Variants in CPLX2 observed in about 807,000 individuals in gnomAD.
CPLX2 encodes the protein complexin-2.
Under a neutral mutation model 16.3 loss-of-function variants are expected in CPLX2, and 5 were observed. The ratio of observed to expected loss-of-function variants is 0.31; its 90% CI spans 0.16 to 0.64. The LOEUF (loss-of-function observed/expected upper bound fraction) is 0.64, where lower values mean the gene tolerates loss of function less well. Among genes scored for constraint, CPLX2 ranks in the 30% least tolerant of loss-of-function variants. The probability of loss-of-function intolerance (pLI) is 0.79; values close to 1 mark genes in which losing one functional copy is unlikely to be tolerated. For synonymous variants in CPLX2, 89 were observed against 73.2 expected, an observed-to-expected ratio of 1.22 and a Z score of -1.10; for missense variants, 144 against 181.4, an observed-to-expected ratio of 0.79 and a Z score of 1.18.
intron 2 of CPLX2, among the ~76,000 whole-genome samples, chr5:175,839,330 G>A (rs1423378254): frequency 6.6e-6 from 1 of 152,052 alleles, no homozygotes; most frequent in Non-Finnish European, 1.5e-5. Flanking sequence ...CTGTCACCCA[G>A]GCTAGAGTAC....
chr5:175,841,487 G>T (rs1028772778), intron 2 of CPLX2, among the ~76,000 whole-genome samples: 1 of 152,166 alleles, frequency 6.6e-6, no homozygotes, highest in Non-Finnish European at 1.5e-5. Flanking sequence ...ACCAGAGCAG[G>T]GAACGTGGGG....
rs1759020936 is a variant in CPLX2, at chr5:175,845,272, A to G, written c.-88-33380A>G. On this transcript the variant is annotated intron_variant, in intron 2 of 4. Transcript: ENST00000359546. The surrounding 1 kb of genome is among the most constrained non-coding windows in gnomAD (Gnocchi z 4.0). ...ACTTACAACCCTACAAGGATCCACT[A>G]TTCTTGGACTAAAACCCACAGCCCA... 6.6e-6 allele frequency among the ~76,000 whole-genome samples: 1 copy of G among 152,184 alleles called. No individual in the cohort carries two copies. The highest frequency in any genetic ancestry group is 1.5e-5 in the Non-Finnish European group (1 of 68,026).
intron 2 of CPLX2, among the ~76,000 whole-genome samples, chr5:175,839,267 G>T (rs200873406): frequency 8.9e-4 from 126 of 141,540 alleles, no homozygotes; most frequent in Admixed American, 1.5e-3. Flanking sequence ...ATGAATTTTT[G>T]TTTTTTTGTT....
rs563277683 is a variant in CPLX2 at position 175,808,835 on chromosome 5, G to A, written c.-168-154G>A. 1.1e-4 allele frequency among the ~76,000 whole-genome samples: 16 copies of A among 152,230 alleles called. No individual in the cohort carries two copies. The South Asian group carries it at 1.7e-3, about 16-fold the overall frequency. ...CTGATGCCAGGCAGGGTCCCATCCC[G>A]CCCAGCCCTTTGCTGGAATCAAGAG... On this transcript the variant is annotated intron_variant, in intron 1 of 4. Transcript: ENST00000359546.
At chr5:175,856,497 G>A (rs186546751) in intron 2 of CPLX2, among the ~76,000 whole-genome samples, 5 of 152,292 alleles carry the variant, frequency 3.3e-5, no homozygotes, top group Admixed American at 2.0e-4. Flanking sequence ...CACGCTCCGC[G>A]CAGAGCCAAG....
intron 2 of CPLX2, among the ~76,000 whole-genome samples, chr5:175,859,897 C>T (rs772305770): frequency 2.0e-5 from 3 of 152,228 alleles, no homozygotes; most frequent in Non-Finnish European, 4.4e-5. Context: ...GGAGGGGACA[C>T]ACAGCTCCAA....
chr5:175,824,241 T>A (rs1336876016), intron 2 of CPLX2, among the ~76,000 whole-genome samples: 1 of 152,240 alleles, frequency 6.6e-6, no homozygotes, highest in African/African-American at 2.4e-5. Flanking sequence ...ATTTTCCCCA[T>A]TTTTTATTAA....
At position 175,881,554 on chromosome 5, in the gene CPLX2, A is replaced by C. The variant is rs950320904; in HGVS notation, c.*1509A>C. ...GTTTGAGAGAATTCAGAGACATTTG[A>C]AGGCTGCTGTGTGCATGTTTGGGGG... On this transcript the variant is annotated 3_prime_UTR_variant, in exon 4 of 4. Transcript: ENST00000393745. 1 of 152,980 alleles carries C rather than the reference A, an allele frequency of 6.5e-6. No homozygotes were observed. The highest frequency in any genetic ancestry group is 1.5e-5 in the Non-Finnish European group (1 of 68,144). 9.5% of individuals were successfully genotyped at this position (152,980 alleles called of 1,614,324 possible). A position where few individuals can be genotyped will look rare whatever the true frequency, so the allele number is the denominator to read the frequency against.
At chr5:175,870,316 G>A (rs1230663464), upstream of CPLX2, among the ~76,000 whole-genome samples, 1 of 152,144 alleles carries the variant, frequency 6.6e-6, no homozygotes, top group Non-Finnish European at 1.5e-5. Flanking sequence ...CTGGTGGGGG[G>A]GTCTCCTGCT....
chr5:175,863,955 T>G (rs933784066), intron 2 of CPLX2, among the ~76,000 whole-genome samples: 9 of 152,184 alleles, frequency 5.9e-5, no homozygotes, highest in African/African-American at 2.2e-4. Context: ...CATTCCAACT[T>G]AAATACATGC....
intron 2 of CPLX2, among the ~76,000 whole-genome samples, chr5:175,814,780 G>A (rs905640075): frequency 1.3e-5 from 2 of 152,194 alleles, no homozygotes; most frequent in African/African-American, 4.8e-5. Flanking sequence ...CAGGACCTGA[G>A]GCCGGTTTTG....
At chr5:175,848,905 G>A (rs57273013) in intron 2 of CPLX2, among the ~76,000 whole-genome samples, 3,632 of 152,288 alleles carry the variant, frequency 0.024, 131 homozygotes, top group African/African-American at 0.083. Context: ...CAGGGAGTCC[G>A]TGTGGCTGAA....
At chr5:175,813,082 G>A (rs1020845209) in intron 2 of CPLX2, among the ~76,000 whole-genome samples, 1 of 152,114 alleles carries the variant, frequency 6.6e-6, no homozygotes, top group Non-Finnish European at 1.5e-5. Context: ...AGCGGCTCTG[G>A]TACCTCCCAG....
At chr5:175,843,268 G>C (rs931046779) in intron 2 of CPLX2, among the ~76,000 whole-genome samples, 2 of 152,176 alleles carry the variant, frequency 1.3e-5, no homozygotes, top group South Asian at 4.1e-4. Flanking sequence ...ACAAGCCTTT[G>C]ATGGGGCCTC....
At chr5:175,842,398 A>G (rs915497018) in intron 2 of CPLX2, among the ~76,000 whole-genome samples, 11 of 152,260 alleles carry the variant, frequency 7.2e-5, no homozygotes, top group African/African-American at 2.7e-4. Flanking sequence ...CCAGGGGAGT[A>G]GGCATGACCT....
Position 175,878,893 on chromosome 5 carries a change from AC to A in CPLX2, c.32-11del. 1.3e-6 allele frequency: 2 copies of A among 1,562,542 alleles called. No individual in the cohort carries two copies. Among genetic ancestry groups the A allele is most frequent in the Non-Finnish European group, 1.7e-6 (2 of 1,153,448 alleles). On this transcript the variant is annotated splice_polypyrimidine_tract_variant and intron_variant, in intron 2 of 3. Coordinates refer to ENST00000393745, the MANE Select transcript of CPLX2 (RefSeq NM_001008220.2). The stretch of plus-strand genomic sequence containing the variant: ...TAGCTGACCCCGCCCTCTCCTTCCC[AC>A]CCCTTCCTCGTAGGGGCCACAAAGG...
intron 1 of CPLX2, chr5:175,878,268 G>C (rs989205747): frequency 6.4e-6 from 1 of 156,362 alleles, no homozygotes; most frequent in African/African-American, 2.4e-5. Context: ...GAGGAAACTG[G>C]GGACTCGAGC....
chr5:175,827,367 G>C (rs1758636943), intron 2 of CPLX2, among the ~76,000 whole-genome samples: 1 of 152,228 alleles, frequency 6.6e-6, no homozygotes, highest in Non-Finnish European at 1.5e-5. Flanking sequence ...TTCTACAGCA[G>C]CTGAGGGCAA....
At chr5:175,878,842 G>A (rs1755480754) in intron 2 of CPLX2, 66 bp from the exon 3 acceptor site, 3 of 1,607,624 alleles carry the variant, frequency 1.9e-6, no homozygotes, top group Admixed American at 3.4e-5. Flanking sequence ...GGCCCACCCG[G>A]CCCCTCTCTC....
Sources: allele counts gnomAD v4.1 joint callset (sites outside exome capture counted in the v4.1 genomes callset), GRCh38; gene constraint gnomAD v4.1.1; non-coding constraint Gnocchi (gnomAD v3.1); transcripts MANE v1.5; gene names NCBI Gene and HGNC (gene_info 2026-07-23, HGNC 2026-07-21).